Variants in CELA3B observed in about 807,000 individuals in gnomAD.
The protein encoded by CELA3B is chymotrypsin-like elastase family member 3B.
Under a neutral mutation model 37.2 loss-of-function variants are expected in CELA3B, and 34 were observed. That is an observed-to-expected ratio of 0.91 (90% CI 0.70 to 1.22). The LOEUF is 1.22. Ranked by LOEUF, CELA3B falls within the 50% of genes most tolerant of loss-of-function variation. The probability of loss-of-function intolerance (pLI) is 0.00; values close to 1 mark genes in which losing one functional copy is unlikely to be tolerated. For synonymous variants in CELA3B, 127 were observed against 143.5 expected, an observed-to-expected ratio of 0.89 and a Z score of 0.82; for missense variants, 340 against 363.1, an observed-to-expected ratio of 0.94 and a Z score of 0.52.
Position 21,978,387 on chromosome 1 carries a change from C to T in CELA3B, c.62C>T (p.Pro21Leu), listed in dbSNP as rs1644783913. 2.5e-6 allele frequency: 4 copies of T among 1,614,124 alleles called. No homozygotes were observed. The highest frequency in any genetic ancestry group is 3.4e-6 in the Non-Finnish European group (4 of 1,179,946). ...LVAVASGYGP[P>L]SSRPSSRVVN... ...CCTCTAGCCTCAGGCTATGGCCCACCTTCCTCTCGCCCTTCCAGCCGCGTT... is the reference window on the plus strand; with the variant it reads ...CCTCTAGCCTCAGGCTATGGCCCACTTTCCTCTCGCCCTTCCAGCCGCGTT... The change falls in exon 2 of 8, where the codon CCT becomes CTT. Residue 21 changes from proline to leucine, a missense_variant. Transcript: ENST00000337107.
At position 21,983,696 on chromosome 1, in the gene CELA3B, A is replaced by G; in HGVS notation, c.365A>G (p.Asn122Ser). ...CGTGACTGTTCCCTCCTCCCCAGCA[A>G]TGACATCGCCCTCATCAAGCTCTCA... is the stretch of plus-strand genomic sequence containing the variant. ...LWNRSCVACGNDIALIKLSRS... is the reference protein window; with the variant it reads ...LWNRSCVACGSDIALIKLSRS... The change falls in exon 5 of 8, where the codon AAT becomes AGT. Residue 122 changes from asparagine (N) to serine (S), a missense_variant and splice_region_variant. Physicochemically the swap from Asn to Ser is conservative, Grantham distance 46. Transcript: ENST00000337107. 1 of 1,613,706 alleles carries G rather than the reference A, an allele frequency of 6.2e-7. No homozygotes were observed. Among genetic ancestry groups the G allele is most frequent in the East Asian group, 2.2e-5 (1 of 44,872 alleles).
rs372387649 is a variant in CELA3B at position 21,986,526 on chromosome 1, T to G, written c.643-5T>G. On this transcript the variant is annotated splice_polypyrimidine_tract_variant and splice_region_variant and intron_variant, in intron 6 of 7. Transcript: ENST00000337107. ...CAGCCACCCACACCTCTCTGACGGT[T>G]CCAGGGTGACTCTGGAGGACCCCTC... 9.9e-6 allele frequency: 16 copies of G among 1,613,890 alleles called. No individual in the cohort carries two copies. The highest frequency in any genetic ancestry group is 1.4e-5 in the Non-Finnish European group (16 of 1,180,008).
At chr1:21,991,897 A>G (rs1644870253), downstream of CELA3B, among the ~76,000 whole-genome samples, 1 of 150,950 alleles carries the variant, frequency 6.6e-6, no homozygotes, top group African/African-American at 2.5e-5. Context: ...AGGCCAGTGG[A>G]TCACTTGAGG....
rs141334622 is a variant in CELA3B at position 21,986,608 on chromosome 1, T to G, written c.720T>G (p.Ser240=). The change falls in exon 7 of 8, where the codon TCT becomes TCG. Residue 240 remains serine (S), a synonymous_variant. Coordinates refer to ENST00000337107, the MANE Select transcript of CELA3B (RefSeq NM_007352.4). ...WQVHGVTSFV[S]AFGCNTRRKP... Reference sequence around the variant, plus strand: ...TCCATGGCGTGACCAGCTTTGTTTCTGCCTTTGGCTGCAACACCCGCAGGA... The same window carrying G: ...TCCATGGCGTGACCAGCTTTGTTTCGGCCTTTGGCTGCAACACCCGCAGGA... The G allele has an allele frequency of 6.2e-7, 1 of 1,614,130 alleles. No homozygotes were observed.
At chr1:21,979,751 G>C (rs1405239404) in intron 2 of CELA3B, among the ~76,000 whole-genome samples, 1 of 151,020 alleles carries the variant, frequency 6.6e-6, no homozygotes. Flanking sequence ...ACCATGCTTG[G>C]CCTGCTTGCC....
At chr1:21,985,309 G>T (rs906032511) in intron 6 of CELA3B, among the ~76,000 whole-genome samples, 5 of 140,116 alleles carry the variant, frequency 3.6e-5, no homozygotes, top group Admixed American at 1.5e-4. Context: ...ACAGGATCTT[G>T]CTCTGTTGCC....
At chr1:21,978,004 C>T (rs1158426314) in intron 1 of CELA3B, 2 of 337,230 alleles carry the variant, frequency 5.9e-6, no homozygotes, top group Non-Finnish European at 1.2e-5. Flanking sequence ...CCACCACACA[C>T]AGCCCAGAGC....
chr1:21,983,616 T>C (rs1289942462), intron 4 of CELA3B, 78 bp from the exon 5 acceptor site: 1 of 1,577,332 alleles, frequency 6.3e-7, no homozygotes, highest in Admixed American at 1.8e-5. Flanking sequence ...AGAGGCGGAA[T>C]AGCCTGGAGC....
At chr1:21,983,862 G>C in intron 5 of CELA3B, 32 bp downstream of exon 5, 1 of 1,610,748 alleles carries the variant, frequency 6.2e-7, no homozygotes, top group Non-Finnish European at 8.5e-7. Flanking sequence ...TGGCCACAGG[G>C]ACAGTGGCAG....
At chr1:21,985,327 C>T (rs1279285033) in intron 6 of CELA3B, among the ~76,000 whole-genome samples, 1 of 148,622 alleles carries the variant, frequency 6.7e-6, no homozygotes, top group Non-Finnish European at 1.5e-5. Context: ...GCCCAGGCTG[C>T]AGTGCAGTAA....
intron 7 of CELA3B, 139 bp downstream of exon 7, chr1:21,986,822 GA>G: frequency 1.0e-6 from 1 of 986,042 alleles, no homozygotes; most frequent in Admixed American, 2.9e-5. Flanking sequence ...GGACATTCCA[GA>G]AAGGCTTGGG....
At chr1:21,979,334 A>T (rs1391624868) in intron 2 of CELA3B, among the ~76,000 whole-genome samples, 1 of 152,034 alleles carries the variant, frequency 6.6e-6, no homozygotes, top group Non-Finnish European at 1.5e-5. Flanking sequence ...AGCCTGTCAA[A>T]GTGCTGGGAT....
At chr1:21,981,871 G>A (rs1349962338) in intron 4 of CELA3B, among the ~76,000 whole-genome samples, 4 of 151,866 alleles carry the variant, frequency 2.6e-5, no homozygotes, top group Non-Finnish European at 5.9e-5. Context: ...GACTACAGGC[G>A]CCCGCCACCA....
rs1465895717 is a variant in CELA3B, at chr1:21,988,334, G to A, written c.796-928G>A. On this transcript the variant is annotated intron_variant, in intron 7 of 7. Coordinates refer to ENST00000337107, the MANE Select transcript of CELA3B (RefSeq NM_007352.4). ...AGGCCAGGCACGGTGGCTCATGCCT[G>A]TAATCCCAGCAATTTGGTAGGCCGA... is the stretch of plus-strand genomic sequence containing the variant. Among the ~76,000 whole-genome samples, 4 of 151,880 alleles carry A rather than the reference G, an allele frequency of 2.6e-5. No individual in the cohort carries two copies. In the East Asian group the frequency reaches 5.8e-4, roughly 22 times the overall value.
At chr1:21,986,816 A>G (rs1644841395) in intron 7 of CELA3B, 133 bp downstream of exon 7, 1 of 1,024,208 alleles carries the variant, frequency 9.8e-7, no homozygotes, top group African/African-American at 1.7e-5. Flanking sequence ...CCTTGGGGAC[A>G]TTCCAGAAAG....
downstream of CELA3B, among the ~76,000 whole-genome samples, chr1:21,991,764 G>T (rs956112269): frequency 2.0e-5 from 3 of 151,310 alleles, 1 homozygote; most frequent in South Asian, 2.1e-4. Context: ...AAAGGAGGAG[G>T]GATTGAAGTG....
chr1:21,979,448 C>CTTTTTT (rs796330030), intron 2 of CELA3B, among the ~76,000 whole-genome samples: 5 of 108,550 alleles, frequency 4.6e-5, no homozygotes, highest in East Asian at 3.2e-4. Context: ...CTTTTCTTTT[C>CTTTTTT]TTTTCTTTTT....
At chr1:21,997,391 C>A (rs1458116579) in intron 4 of CELA3B, among the ~76,000 whole-genome samples, 24 of 123,628 alleles carry the variant, frequency 1.9e-4, no homozygotes, top group East Asian at 5.1e-4. Context: ...AGACTCGTCT[C>A]AAAAAAAAAA....
Position 21,984,172 on chromosome 1 carries a change from GC to G in CELA3B, c.500-16del. The G allele has an allele frequency of 6.2e-7, 1 of 1,610,362 alleles. No homozygotes were observed. The highest frequency in any genetic ancestry group is 8.5e-7 in the Non-Finnish European group (1 of 1,177,978). ...TGTGCCCCCAGACCCCTGACTCGGT[GC>G]TTTTTATCGCTGCAGCCAACGGGCC... On this transcript the variant is annotated splice_polypyrimidine_tract_variant and intron_variant, in intron 5 of 7. Coordinates refer to ENST00000337107, the MANE Select transcript of CELA3B (RefSeq NM_007352.4).
Sources: gnomAD v4.1 joint callset for allele counts (sites outside exome capture counted in the v4.1 genomes callset) on GRCh38, gnomAD v4.1.1 for gene constraint, MANE v1.5 for transcripts, NCBI Gene and HGNC (gene_info 2026-07-23, HGNC 2026-07-21) for gene names.